Variants in SLC2A12 observed in about 807,000 individuals in gnomAD.
SLC2A12 encodes the protein solute carrier family 2 member 12.
In SLC2A12, 23 loss-of-function variants were observed where a neutral mutation model predicts 41.8. That is an observed-to-expected ratio of 0.55 (90% CI 0.40 to 0.78). The LOEUF (loss-of-function observed/expected upper bound fraction) is 0.78. Among genes scored for constraint, SLC2A12 ranks in the 30% least tolerant of loss-of-function variants. The probability of loss-of-function intolerance (pLI) is 0.00; values close to 1 mark genes in which losing one functional copy is unlikely to be tolerated. For synonymous variants in SLC2A12, 295 were observed against 285.9 expected (o/e 1.03, Z -0.32); for missense variants, 654 against 745.6 (o/e 0.88, Z 1.43).
In SLC2A12 at chr6:134,015,618, G is replaced by A. The variant is rs149119672; in HGVS notation, c.1445-8684C>T. Among the ~76,000 whole-genome samples, 293 of 152,354 alleles carry A rather than the reference G, an allele frequency of 1.9e-3. 3 individuals are homozygous for A. Among genetic ancestry groups the A allele is most frequent in the Middle Eastern group, 0.014 (4 of 294 alleles). ...ATGAGCAGAGAAAAAGCCTTTGACTGTGGTGGTTCTGCGTGTTAGGGACCT... is the reference window on the plus strand; with the variant it reads ...ATGAGCAGAGAAAAAGCCTTTGACTATGGTGGTTCTGCGTGTTAGGGACCT... On this transcript the variant is annotated intron_variant, in intron 2 of 4. Coordinates refer to ENST00000275230, the MANE Select transcript of SLC2A12 (RefSeq NM_145176.3).
intron 2 of SLC2A12, among the ~76,000 whole-genome samples, chr6:134,020,595 G>T (rs9389129): frequency 0.14 from 20,660 of 152,174 alleles, 1,575 homozygotes; most frequent in East Asian, 0.18. Context: ...GTAAAGGATT[G>T]ACTCTTAGCA....
chr6:134,002,294 G>A (rs1324659803), intron 3 of SLC2A12, among the ~76,000 whole-genome samples, 165 bp from the exon 4 acceptor site: 2 of 151,984 alleles, frequency 1.3e-5, no homozygotes, highest in Non-Finnish European at 2.9e-5. Context: ...AGCTCTGAAG[G>A]TGTTACTTTT....
chr6:134,027,532 G>A (rs540825445), intron 2 of SLC2A12, among the ~76,000 whole-genome samples: 12 of 152,032 alleles, frequency 7.9e-5, no homozygotes, highest in African/African-American at 2.7e-4. Context: ...GAATGGGGTA[G>A]GAGGTGGGGG....
chr6:134,045,105 C>T (rs1777439778), intron 1 of SLC2A12, among the ~76,000 whole-genome samples: 1 of 152,164 alleles, frequency 6.6e-6, no homozygotes, highest in African/African-American at 2.4e-5. Context: ...ATGAATTGCA[C>T]AGAACTTTCC....
intron 2 of SLC2A12, among the ~76,000 whole-genome samples, chr6:134,014,081 C>A (rs1776924083): frequency 6.6e-6 from 1 of 152,162 alleles, no homozygotes; most frequent in Non-Finnish European, 1.5e-5. Flanking sequence ...GGTCCCCAAC[C>A]TTTTTGGCAC....
chr6:134,004,709 T>C (rs1196548696), intron 3 of SLC2A12, among the ~76,000 whole-genome samples: 1 of 152,204 alleles, frequency 6.6e-6, no homozygotes, highest in Non-Finnish European at 1.5e-5. Flanking sequence ...TTTTGAAAAC[T>C]AGAAAATAAA....
chr6:134,010,004 G>A (rs1391201127), intron 2 of SLC2A12, among the ~76,000 whole-genome samples: 2 of 152,308 alleles, frequency 1.3e-5, no homozygotes, highest in Admixed American at 1.3e-4. Context: ...TGACCTAGAA[G>A]CAAGACAGTG....
chr6:134,015,098 A>C (rs888008394), intron 2 of SLC2A12, among the ~76,000 whole-genome samples: 3 of 151,062 alleles, frequency 2.0e-5, no homozygotes, highest in African/African-American at 5.0e-5. Context: ...AGAAAAAGGA[A>C]CAGTGTTTGT....
intron 3 of SLC2A12, among the ~76,000 whole-genome samples, chr6:134,003,348 G>A (rs1263573438): frequency 2.0e-5 from 3 of 152,092 alleles, no homozygotes; most frequent in African/African-American, 7.2e-5. Flanking sequence ...TCCTTCTCTG[G>A]AGCTTAAAAC....
rs1228149437 is a variant in SLC2A12 at position 133,987,710 on chromosome 6, T to A, written c.*3445A>T. 6.6e-6 allele frequency: 1 copy of A among 151,308 alleles called. No individual in the cohort carries two copies. Among genetic ancestry groups the A allele is most frequent in the Non-Finnish European group, 1.5e-5 (1 of 67,692 alleles). 9.4% of individuals were successfully genotyped at this position (151,308 alleles called of 1,614,324 possible). A position where few individuals can be genotyped will look rare whatever the true frequency, so the allele number is the denominator to read the frequency against. On this transcript the variant is annotated 3_prime_UTR_variant, in exon 5 of 5. Transcript: ENST00000275230. ...TATCTTTTAATGCTCTGTTACCAAA[T>A]AACAAATAGGAATTTTTTTTCTTGC...
At position 133,988,782 on chromosome 6, in the gene SLC2A12, A is replaced by G. The variant is rs1776575863; in HGVS notation, c.*2373T>C. 6.6e-6 allele frequency: 1 copy of G among 152,160 alleles called. No individual in the cohort carries two copies. Among genetic ancestry groups the G allele is most frequent in the African/African-American group, 2.4e-5 (1 of 41,426 alleles). 9.4% of individuals were successfully genotyped at this position (152,160 alleles called of 1,614,324 possible). A position where few individuals can be genotyped will look rare whatever the true frequency, so the allele number is the denominator to read the frequency against. ...TATTTTAAGATTCAGTAGGATAGCC[A>G]AATTCATAGAGAATAAAATTACATG... On this transcript the variant is annotated 3_prime_UTR_variant, in exon 5 of 5. Coordinates refer to ENST00000275230, the MANE Select transcript of SLC2A12 (RefSeq NM_145176.3).
chr6:133,994,851 T>C (rs182884346), intron 4 of SLC2A12, among the ~76,000 whole-genome samples: 66 of 152,120 alleles, frequency 4.3e-4, no homozygotes, highest in Admixed American at 1.4e-3. Flanking sequence ...ATAGAGACCA[T>C]AGGTAAGAGA....
At position 134,010,270 on chromosome 6, in the gene SLC2A12, G is replaced by A. The variant is rs188328012; in HGVS notation, c.1445-3336C>T. Reference sequence around the variant, plus strand: ...CAAGGAAAATTAAATTATTGCCACAGGGGAGGGCTCCCTTTCACTACCACA... The same window carrying A: ...CAAGGAAAATTAAATTATTGCCACAAGGGAGGGCTCCCTTTCACTACCACA... On this transcript the variant is annotated intron_variant, in intron 2 of 4. Coordinates refer to ENST00000275230, the MANE Select transcript of SLC2A12 (RefSeq NM_145176.3). Among the ~76,000 whole-genome samples, 5 of 152,264 alleles carry A rather than the reference G, an allele frequency of 3.3e-5. No individual in the cohort carries two copies. The East Asian group carries it at 9.7e-4, about 29-fold the overall frequency.
chr6:134,044,243 A>G (rs915822417), intron 1 of SLC2A12, among the ~76,000 whole-genome samples: 2 of 152,138 alleles, frequency 1.3e-5, no homozygotes, highest in African/African-American at 4.8e-5. Context: ...CTGATCCCTC[A>G]TCGCTCTCCA....
At chr6:134,020,957 C>T (rs1777032493) in intron 2 of SLC2A12, among the ~76,000 whole-genome samples, 1 of 152,212 alleles carries the variant, frequency 6.6e-6, no homozygotes, top group Non-Finnish European at 1.5e-5. Context: ...TCCAGAACAA[C>T]TTTTAGATAT....
chr6:134,017,761 G>A (rs1034287907), intron 2 of SLC2A12, among the ~76,000 whole-genome samples: 4 of 152,054 alleles, frequency 2.6e-5, no homozygotes, highest in Non-Finnish European at 5.9e-5. Flanking sequence ...CGCTGAGGCA[G>A]GAGAATGGCG....
chr6:134,044,210 C>A (rs928476800), intron 1 of SLC2A12, among the ~76,000 whole-genome samples: 6 of 152,130 alleles, frequency 3.9e-5, no homozygotes, highest in Admixed American at 2.0e-4. Context: ...TAATATCAAG[C>A]CATCTCCTCC....
At chr6:134,052,323 A>G in intron 1 of SLC2A12, 55 bp downstream of exon 1, 1 of 1,354,700 alleles carries the variant, frequency 7.4e-7, no homozygotes, top group Non-Finnish European at 1.0e-6. Context: ...TACACTCGGG[A>G]GATGAGTACA....
chr6:134,047,903 T>C (rs1582630312), intron 1 of SLC2A12, among the ~76,000 whole-genome samples: 1 of 152,330 alleles, frequency 6.6e-6, no homozygotes, highest in African/African-American at 2.4e-5. Context: ...TGCCAGGCCC[T>C]GGCAGGGCAG....
Sources: allele counts gnomAD v4.1 joint callset (sites outside exome capture counted in the v4.1 genomes callset), GRCh38; gene constraint gnomAD v4.1.1; transcripts MANE v1.5; gene names NCBI Gene and HGNC (gene_info 2026-07-23, HGNC 2026-07-21).